CALD1: variants seen among roughly 807,000 people sequenced by gnomAD.
CALD1 encodes the protein caldesmon 1, also known as caldesmon.
CALD1 carries 33 observed loss-of-function variants against 99.9 expected under a neutral mutation model. That is an observed-to-expected ratio of 0.33 (90% CI 0.25 to 0.44). CALD1 has a LOEUF of 0.44. Among genes scored for constraint, CALD1 ranks in the 20% least tolerant of loss-of-function variants. CALD1 has a pLI of 1.00. For missense variants in CALD1, 861 were observed against 962.1 expected, an observed-to-expected ratio of 0.89 and a Z score of 1.39; for synonymous variants, 310 against 325.0, an observed-to-expected ratio of 0.95 and a Z score of 0.50.
rs1230280346 is a variant in CALD1, at chr7:134,960,604, C to G, written c.2271C>G (p.Asn757Lys). ...GGCTAACTAAAACCCCAGATGGAAA[C>G]AAGTCACCTGCTCCCAAACCTTCTG... ...NEWLTKTPDGNKSPAPKPSDL... is the reference protein window; with the variant it reads ...NEWLTKTPDGKKSPAPKPSDL... Residue 757 changes from asparagine to lysine, a missense_variant, in exon 13 of 15, where the codon AAC becomes AAG. Asn to Lys is a moderately conservative substitution (Grantham distance 94). Around this residue, in one of 5 missense-constraint regions of CALD1, gnomAD observed 190 missense variants for 249.0 expected, o/e 0.76. Coordinates refer to ENST00000361675, the MANE Select transcript of CALD1 (RefSeq NM_033138.4). 1 of 1,612,016 alleles carries G rather than the reference C, an allele frequency of 6.2e-7. No individual in the cohort carries two copies. The highest frequency in any genetic ancestry group is 2.2e-5 in the East Asian group (1 of 44,856).
intron 1 of CALD1, among the ~76,000 whole-genome samples, chr7:134,771,486 T>C (rs577022022): frequency 1.3e-5 from 2 of 152,266 alleles, no homozygotes; most frequent in Non-Finnish European, 2.9e-5. Context: ...CTCCATGTCC[T>C]AGAATTAAAT....
chr7:134,718,971 T>C, the CALD1 span, among the ~76,000 whole-genome samples: 1 of 152,220 alleles, frequency 6.6e-6, no homozygotes, highest in Non-Finnish European at 1.5e-5. Context: ...TCAGTGGTTC[T>C]CACCCATGCT....
chr7:134,791,594 T>C (rs1422133952), intron 1 of CALD1, among the ~76,000 whole-genome samples: 1 of 152,216 alleles, frequency 6.6e-6, no homozygotes. Flanking sequence ...CAGTTCCATC[T>C]TGCCATACAG....
At chr7:134,894,794 G>A (rs573532834) in intron 3 of CALD1, among the ~76,000 whole-genome samples, 32 of 152,202 alleles carry the variant, frequency 2.1e-4, no homozygotes, top group Admixed American at 1.9e-3. Context: ...TGTCACTTGC[G>A]GTTTAATATT....
chr7:134,756,960 C>T (rs902771735), intron 1 of CALD1, among the ~76,000 whole-genome samples: 1 of 152,172 alleles, frequency 6.6e-6, no homozygotes, highest in Non-Finnish European at 1.5e-5. Context: ...CCGCCACTTA[C>T]GCTCATTTTT....
intron 1 of CALD1, among the ~76,000 whole-genome samples, chr7:134,780,809 T>C (rs977515854): frequency 1.4e-4 from 22 of 152,206 alleles, no homozygotes; most frequent in African/African-American, 5.1e-4. Flanking sequence ...ATCCTTCTAA[T>C]GTGTTTGTCA....
intron 3 of CALD1, chr7:134,900,019 C>G (rs1802877924): frequency 6.6e-6 from 1 of 152,082 alleles, no homozygotes. Context: ...ATCACTCTAC[C>G]TTTCACTTTG....
At chr7:134,808,530 TTTCATTAAATG>T (rs1798238610) in intron 1 of CALD1, among the ~76,000 whole-genome samples, 2 of 152,214 alleles carry the variant, frequency 1.3e-5, no homozygotes, top group African/African-American at 4.8e-5. Flanking sequence ...GGCCAGAAAG[TTTCATTAAATG>T]GGCACAGGCC....
At chr7:134,758,487 G>T (rs1019130892) in intron 1 of CALD1, among the ~76,000 whole-genome samples, 1 of 147,828 alleles carries the variant, frequency 6.8e-6, no homozygotes, top group Admixed American at 6.9e-5. Flanking sequence ...TTAAATATCT[G>T]CAGCTCCCAT....
chr7:134,788,474 G>A (rs1045989037), intron 1 of CALD1, among the ~76,000 whole-genome samples: 10 of 152,180 alleles, frequency 6.6e-5, no homozygotes. Flanking sequence ...GGGATGCGGT[G>A]GTAAAATTAG....
intron 3 of CALD1, among the ~76,000 whole-genome samples, chr7:134,870,322 T>G (rs1353556692): frequency 6.6e-6 from 1 of 152,178 alleles, no homozygotes; most frequent in Non-Finnish European, 1.5e-5. Context: ...CTTCTTTCCT[T>G]TCCACGTGAA....
chr7:134,896,621 C>G (rs926660520), intron 3 of CALD1, among the ~76,000 whole-genome samples: 3 of 152,212 alleles, frequency 2.0e-5, no homozygotes, highest in Non-Finnish European at 1.5e-5. Flanking sequence ...GGTTCAATAC[C>G]TGGTGGCCAC....
chr7:134,934,880 A>G (rs1563111002), intron 5 of CALD1, among the ~76,000 whole-genome samples: 2 of 152,160 alleles, frequency 1.3e-5, no homozygotes, highest in Non-Finnish European at 1.5e-5. Context: ...CTCCATCTCA[A>G]CAACAAAAAC....
chr7:134,749,040 G>A (rs1314222959), intron 1 of CALD1, among the ~76,000 whole-genome samples: 3 of 152,192 alleles, frequency 2.0e-5, no homozygotes, highest in South Asian at 4.1e-4. Flanking sequence ...TGGACTTCCC[G>A]ACTTCGGGAG....
intron 3 of CALD1, among the ~76,000 whole-genome samples, chr7:134,895,025 A>G (rs1258746574): frequency 6.6e-6 from 1 of 151,982 alleles, no homozygotes; most frequent in Non-Finnish European, 1.5e-5. Context: ...CATGGAGTCA[A>G]GGAAACGTAG....
chr7:134,764,296 T>C (rs1796806711), intron 1 of CALD1, among the ~76,000 whole-genome samples: 1 of 152,202 alleles, frequency 6.6e-6, no homozygotes, highest in Non-Finnish European at 1.5e-5. Flanking sequence ...ACAAGTTGAA[T>C]ATAAATAATT....
chr7:134,850,829 G>A (rs1295024983), intron 2 of CALD1, among the ~76,000 whole-genome samples: 1 of 152,146 alleles, frequency 6.6e-6, no homozygotes, highest in Non-Finnish European at 1.5e-5. Flanking sequence ...GGGACCAGGT[G>A]GGAAGTAATT....
chr7:134,849,003 T>C (rs1446284968), intron 2 of CALD1, among the ~76,000 whole-genome samples: 2 of 152,222 alleles, frequency 1.3e-5, no homozygotes, highest in African/African-American at 4.8e-5. Context: ...TTTGCAATTC[T>C]AGTATTCCTT....
At chr7:134,841,308 T>C (rs757517461) in intron 1 of CALD1, among the ~76,000 whole-genome samples, 3 of 152,240 alleles carry the variant, frequency 2.0e-5, no homozygotes, top group Non-Finnish European at 4.4e-5. Flanking sequence ...TGTTTAACTA[T>C]AAATGTAAAG....
Sources: allele counts gnomAD v4.1 joint callset (sites outside exome capture counted in the v4.1 genomes callset), GRCh38; gene constraint gnomAD v4.1.1; regional missense constraint gnomAD v4.1.1; transcripts MANE v1.5; gene names NCBI Gene and HGNC (gene_info 2026-07-23, HGNC 2026-07-21).